The following GNAO1 variants were observed in gnomAD, a reference collection of about 807,000 sequenced individuals.
GNAO1 encodes G protein subunit alpha o1.
For synonymous variants in GNAO1, 164 were observed against 180.7 expected, an observed-to-expected ratio of 0.91 and a Z score of 0.74; for missense variants, 166 against 478.7, an observed-to-expected ratio of 0.35 and a Z score of 6.10.
At chr16:56,321,430 C>T (rs1479777452) in intron 3 of GNAO1, among the ~76,000 whole-genome samples, 1 of 152,166 alleles carries the variant, frequency 6.6e-6, no homozygotes, top group African/African-American at 2.4e-5. Flanking sequence ...TTGAGAGCCT[C>T]TCTTTCCTAA....
chr16:56,340,833 G>A, intron 6 of GNAO1: 1 of 1,613,322 alleles, frequency 6.2e-7, no homozygotes, highest in Non-Finnish European at 8.5e-7. Flanking sequence ...CTCTGTTGCA[G>A]AACCGCATGC....
At chr16:56,252,672 G>A (rs2036810056) in intron 2 of GNAO1, among the ~76,000 whole-genome samples, 2 of 152,200 alleles carry the variant, frequency 1.3e-5, no homozygotes, top group Non-Finnish European at 2.9e-5. Flanking sequence ...CTTTCGCATA[G>A]TGAGGCTGAC....
At chr16:56,340,446 G>A in intron 6 of GNAO1, 1 of 173,774 alleles carries the variant, frequency 5.8e-6, no homozygotes, top group Non-Finnish European at 1.2e-5. Flanking sequence ...AGAGAAATCT[G>A]CATGAGCAGG....
chr16:56,295,536 A>G (rs16956291), intron 3 of GNAO1, among the ~76,000 whole-genome samples: 2,215 of 152,260 alleles, frequency 0.015, 54 homozygotes, highest in African/African-American at 0.048. Context: ...CACTCTGCAC[A>G]AAGCAGGCTT....
rs1353688894 is a variant in GNAO1, at chr16:56,191,776, T to A, written c.-460T>A. ...CGCCGCCGCCGCCGCCTCCTCCACC[T>A]CCTCCTCCGCCGCCGCCGCCTCCTC... On this transcript the variant is annotated 5_prime_UTR_variant, in exon 1 of 9. Coordinates refer to ENST00000262493, the MANE Select transcript of GNAO1 (RefSeq NM_020988.3). This position sits in a 1 kb window ranked among gnomAD's most constrained non-coding sequence, Gnocchi z 4.7. The A allele has an allele frequency of 9.3e-6, 2 of 215,910 alleles. No homozygotes were observed. The highest frequency in any genetic ancestry group is 5.5e-5 in the Admixed American group (1 of 18,206). The allele number at this position is 215,910 out of a possible 1,614,324, so 13.4% of individuals were successfully genotyped here.
chr16:56,238,903 A>G (rs2036667867), intron 2 of GNAO1, among the ~76,000 whole-genome samples: 1 of 152,278 alleles, frequency 6.6e-6, no homozygotes, highest in African/African-American at 2.4e-5. Context: ...GTTTTTAAAC[A>G]AAAGCTAGTA....
intron 2 of GNAO1, among the ~76,000 whole-genome samples, chr16:56,215,977 A>ATG (rs1440454131): frequency 6.6e-6 from 1 of 152,140 alleles, no homozygotes; most frequent in Non-Finnish European, 1.5e-5. Context: ...CACAGCTTGG[A>ATG]TGTGTACCTC....
At chr16:56,312,855 G>A (rs866302077) in intron 3 of GNAO1, among the ~76,000 whole-genome samples, 21 of 152,188 alleles carry the variant, frequency 1.4e-4, no homozygotes, top group African/African-American at 4.1e-4. Flanking sequence ...TGGGCTCACC[G>A]AGTCAGAAAG....
chr16:56,290,204 CTGACTCTCCG>C (rs1201883866), intron 3 of GNAO1, among the ~76,000 whole-genome samples: 1 of 152,180 alleles, frequency 6.6e-6, no homozygotes, highest in African/African-American at 2.4e-5. Context: ...GAAGCCTTTC[CTGACTCTCCG>C]AATAGGCTGG....
In GNAO1 at chr16:56,343,329, A is replaced by AAATAAT. The variant is rs59805466; in HGVS notation, c.723+6487_723+6492dup. Among the ~76,000 whole-genome samples, 102 of 146,818 alleles carry AAATAAT rather than the reference A, an allele frequency of 6.9e-4. 1 individual carries two copies. Among genetic ancestry groups the AAATAAT allele is most frequent in the Admixed American group, 2.2e-3 (33 of 15,006 alleles). ...CATAGTGAGATCCCATCTGTATTAA[A>AAATAAT]AATAATAATAATAATAATAATAAGC... On this transcript the variant is annotated intron_variant, in intron 6 of 8. Coordinates refer to ENST00000262493, the MANE Select transcript of GNAO1 (RefSeq NM_020988.3).
rs1427230044 is a variant in GNAO1 at position 56,218,757 on chromosome 16, A to G, written c.161+26141A>G. Among the ~76,000 whole-genome samples, 6 of 152,116 alleles carry G rather than the reference A, an allele frequency of 3.9e-5. No individual in the cohort carries two copies. In the East Asian group the frequency reaches 9.6e-4, roughly 24 times the overall value. ...CTCACTCATCTCCAGGCCTTTGTCC[A>G]TGGTGTGCCCTATTCCTGGAGGCAT... On this transcript the variant is annotated intron_variant, in intron 2 of 8. Transcript: ENST00000262493.
Position 56,311,423 on chromosome 16 carries a change from C to T in GNAO1, c.304-17208C>T, listed in dbSNP as rs2143607872. Among the ~76,000 whole-genome samples, 1 of 152,262 alleles carries T rather than the reference C, an allele frequency of 6.6e-6. No individual in the cohort carries two copies. Among genetic ancestry groups the T allele is most frequent in the East Asian group, 1.9e-4 (1 of 5,172 alleles). ...CCCAGCAGAGGGCAGAGTTGATACC[C>T]TTCCCCACCCGGGCCTGACCCCATA... On this transcript the variant is annotated intron_variant, in intron 3 of 8. Transcript: ENST00000262493. The surrounding 1 kb of genome is among the most constrained non-coding windows in gnomAD (Gnocchi z 5.2).
At chr16:56,256,377 T>TAC (rs1156653915) in intron 2 of GNAO1, among the ~76,000 whole-genome samples, 1 of 152,022 alleles carries the variant, frequency 6.6e-6, no homozygotes, top group African/African-American at 2.4e-5. Flanking sequence ...TCCACCCACA[T>TAC]ACACACACAC....
At chr16:56,202,402 GA>G (rs1427844519) in intron 2 of GNAO1, among the ~76,000 whole-genome samples, 1 of 152,112 alleles carries the variant, frequency 6.6e-6, no homozygotes, top group African/African-American at 2.4e-5. Context: ...GTGGGCTACA[GA>G]AAAAAAGGAG....
intron 2 of GNAO1, among the ~76,000 whole-genome samples, chr16:56,272,288 G>A (rs1219829397): frequency 1.3e-5 from 2 of 151,896 alleles, no homozygotes; most frequent in Admixed American, 6.6e-5. Flanking sequence ...CAGCCTGGGC[G>A]ACAGACAGAG....
intron 3 of GNAO1, among the ~76,000 whole-genome samples, chr16:56,289,352 G>C (rs988052384): frequency 6.6e-6 from 1 of 152,196 alleles, no homozygotes; most frequent in South Asian, 2.1e-4. Flanking sequence ...AGTCTAAGAC[G>C]GGAGTATAGC....
chr16:56,286,743 C>T (rs1405315240), intron 3 of GNAO1, among the ~76,000 whole-genome samples: 2 of 150,170 alleles, frequency 1.3e-5, no homozygotes, highest in Non-Finnish European at 3.0e-5. Flanking sequence ...ATGTGTGTAT[C>T]TGTCTGTCTG....
intron 3 of GNAO1, among the ~76,000 whole-genome samples, chr16:56,278,850 G>A (rs555873571): frequency 2.0e-5 from 3 of 152,134 alleles, no homozygotes; most frequent in Non-Finnish European, 4.4e-5. Context: ...GCTCTGTTCA[G>A]CTGGAGCTAC....
chr16:56,192,140 G>T lies in GNAO1; in HGVS notation c.-96G>T. 1.5e-6 allele frequency: 1 copy of T among 687,416 alleles called. No individual in the cohort carries two copies. The highest frequency in any genetic ancestry group is 2.6e-6 in the Non-Finnish European group (1 of 389,104). 42.6% of individuals were successfully genotyped at this position (687,416 alleles called of 1,614,324 possible). On this transcript the variant is annotated 5_prime_UTR_variant, in exon 1 of 9. Transcript: ENST00000262493. ...GAGGATATCGTGATTTTCCCCCCTT[G>T]AGCCCAGGCTCTGCTCTCTGGGGGG...
Sources: gnomAD v4.1 joint callset for allele counts (sites outside exome capture counted in the v4.1 genomes callset) on GRCh38, gnomAD v4.1.1 for gene constraint, Gnocchi (gnomAD v3.1) non-coding constraint, MANE v1.5 for transcripts, NCBI Gene and HGNC (gene_info 2026-07-23, HGNC 2026-07-21) for gene names.